ERCC4: variants seen among roughly 807,000 people sequenced by gnomAD.
ERCC4 encodes the protein DNA repair endonuclease XPF.
In ERCC4, 65 loss-of-function variants were observed where a neutral mutation model predicts 76.9. The ratio of observed to expected loss-of-function variants is 0.84; its 90% CI spans 0.69 to 1.04. The LOEUF (loss-of-function observed/expected upper bound fraction) is 1.04, where lower values mean the gene tolerates loss of function less well. Ranked by LOEUF, ERCC4 falls within the 50% of genes least tolerant of loss-of-function variation. The pLI, the probability that ERCC4 is intolerant of heterozygous loss-of-function variation, is 0.00. For missense variants in ERCC4, 1,214 were observed against 1,128.2 expected (o/e 1.08, Z -1.09); for synonymous variants, 463 against 410.1 (o/e 1.13, Z -1.56).
intron 9 of ERCC4, among the ~76,000 whole-genome samples, chr16:13,939,444 G>A (rs1439342327): frequency 6.6e-6 from 1 of 152,150 alleles, no homozygotes; most frequent in East Asian, 1.9e-4. Flanking sequence ...AGAAGAGGGT[G>A]TAATAGGAGA....
rs2032637966 is a variant in ERCC4 at position 13,952,099 on chromosome 16, G to A, written c.*3752G>A. The A allele has an allele frequency of 5.2e-6, 1 of 192,758 alleles. No individual in the cohort carries two copies. The highest frequency in any genetic ancestry group is 1.9e-4 in the South Asian group (1 of 5,182). The allele number at this position is 192,758 out of a possible 1,614,324, so 11.9% of individuals were successfully genotyped here. On this transcript the variant is annotated 3_prime_UTR_variant, in exon 11 of 11. Transcript: ENST00000311895. Reference sequence around the variant, plus strand: ...GTTTTTTTAATTTAAAGATGTATAAGCCAAAATTTGGATGGGAGTGAGACA... The same window carrying A: ...GTTTTTTTAATTTAAAGATGTATAAACCAAAATTTGGATGGGAGTGAGACA...
chr16:13,948,228 G>A lies in ERCC4; in HGVS notation c.2632G>A (p.Ala878Thr), dbSNP rs778153718. 1 of 1,614,154 alleles carries A rather than the reference G, an allele frequency of 6.2e-7. No homozygotes were observed. Among genetic ancestry groups the A allele is most frequent in the Non-Finnish European group, 8.5e-7 (1 of 1,180,024 alleles). ...CGTTAAGAACATCGCAGAATTAGCA[G>A]CCCTGTCACAAGACGAGCTCACGAG... ...HHVKNIAELA[A>T]LSQDELTSIL... The change falls in exon 11 of 11, where the codon GCC (alanine) becomes ACC (threonine). Residue 878 changes from alanine to threonine, a missense_variant. By Grantham distance (58) the Ala-to-Thr change is moderately conservative (BLOSUM62 0). Coordinates refer to ENST00000311895, the MANE Select transcript of ERCC4 (RefSeq NM_005236.3).
chr16:13,940,509 T>A (rs1162649746), intron 9 of ERCC4, among the ~76,000 whole-genome samples: 1 of 152,238 alleles, frequency 6.6e-6, no homozygotes, highest in Non-Finnish European at 1.5e-5. Context: ...ATGGATGTGC[T>A]GAGTCCTCCC....
At position 13,935,294 on chromosome 16, in the gene ERCC4, G is replaced by GA; in HGVS notation, c.1364dup (p.Glu456GlyfsTer8). On this transcript the variant is annotated frameshift_variant, in exon 8 of 11. Transcript: ENST00000311895. LOFTEE classifies it high-confidence loss of function. The stretch of plus-strand genomic sequence containing the variant: ...CTGAAGAAGTCTGGATGAAATTTAG[G>GA]AAGGAAGACAGTTCAAAGAGAATTA... 1.2e-6 allele frequency: 2 copies of GA among 1,614,030 alleles called. No individual in the cohort carries two copies. The highest frequency in any genetic ancestry group is 4.5e-5 in the East Asian group (2 of 44,882).
At chr16:13,940,010 A>G (rs1284880769) in intron 9 of ERCC4, among the ~76,000 whole-genome samples, 1 of 152,230 alleles carries the variant, frequency 6.6e-6, no homozygotes, top group Admixed American at 6.5e-5. Context: ...CCCCAAGATC[A>G]TCCTCAGGCT....
Position 13,949,694 on chromosome 16 carries a change from G to A in ERCC4, c.*1347G>A, listed in dbSNP as rs1432384407. On this transcript the variant is annotated 3_prime_UTR_variant, in exon 11 of 11. Transcript: ENST00000311895. ...AAACCTGATTAAGTTGGCTTTTTAC[G>A]TAAGTGTACAAATAGGATATTCACA... 5 of 232,414 alleles carry A rather than the reference G, an allele frequency of 2.2e-5. No homozygotes were observed. The highest frequency in any genetic ancestry group is 6.1e-5 in the East Asian group (1 of 16,386). 14.4% of individuals were successfully genotyped at this position (232,414 alleles called of 1,614,324 possible).
rs139197943 is a variant in ERCC4 at position 13,935,580 on chromosome 16, C to G, written c.1648C>G (p.Pro550Ala). ...SDAAFGILKE[P>A]LTIIHPLLGC... ...TGCTGCTTTCGGAATCCTGAAAGAA[C>G]CCCTCACTATCATCCATCCGCTTCT... Residue 550 changes from proline (P) to alanine (A), a missense_variant, in exon 8 of 11, where the codon CCC (proline) becomes GCC (alanine). Pro to Ala is a conservative substitution (Grantham distance 27, BLOSUM62 -1). Coordinates refer to ENST00000311895, the MANE Select transcript of ERCC4 (RefSeq NM_005236.3). The G allele has an allele frequency of 1.2e-6, 2 of 1,614,168 alleles. No individual in the cohort carries two copies. The highest frequency in any genetic ancestry group is 2.2e-5 in the South Asian group (2 of 91,084).
rs755156952 is a variant in ERCC4, at chr16:13,934,176, TTTTA to T, written c.1103-12_1103-9del. The T allele has an allele frequency of 2.6e-6, 4 of 1,537,884 alleles. No homozygotes were observed. The highest frequency in any genetic ancestry group is 3.6e-6 in the Non-Finnish European group (4 of 1,113,090). On this transcript the variant is annotated splice_polypyrimidine_tract_variant and intron_variant, in intron 6 of 10. Transcript: ENST00000311895. ...AATATTATCACATAGAATGAGATAT[TTTTA>T]TTTCTCTACAGAAACAAAAAAGGAA...
chr16:13,936,775 A>G (rs570723080), intron 8 of ERCC4, among the ~76,000 whole-genome samples: 382 of 152,374 alleles, frequency 2.5e-3, no homozygotes, highest in Non-Finnish European at 4.4e-3. Flanking sequence ...ATCTAGGAAG[A>G]TAACAGCTAA....
chr16:13,948,434 G>T lies in ERCC4; in HGVS notation c.*87G>T. On this transcript the variant is annotated 3_prime_UTR_variant, in exon 11 of 11. Coordinates refer to ENST00000311895, the MANE Select transcript of ERCC4 (RefSeq NM_005236.3). Reference sequence around the variant, plus strand: ...ATAGGTCATTATTAATTATTGGTTTGCTATTTCATTCTTTTCCAATGCTCT... The same window carrying T: ...ATAGGTCATTATTAATTATTGGTTTTCTATTTCATTCTTTTCCAATGCTCT... 1 of 1,457,648 alleles carries T rather than the reference G, an allele frequency of 6.9e-7. No homozygotes were observed. The highest frequency in any genetic ancestry group is 1.4e-5 in the African/African-American group (1 of 71,906). The allele number at this position is 1,457,648 out of a possible 1,614,324, so 90.3% of individuals were successfully genotyped here.
intron 9 of ERCC4, chr16:13,944,150 T>C (rs1321879836): frequency 6.4e-6 from 1 of 156,832 alleles, no homozygotes; most frequent in Non-Finnish European, 1.4e-5. Context: ...TTTTTTGTTT[T>C]AATCTCTGAT....
intron 2 of ERCC4, among the ~76,000 whole-genome samples, chr16:13,926,045 C>G (rs928700204): frequency 3.9e-5 from 6 of 152,082 alleles, no homozygotes; most frequent in African/African-American, 1.4e-4. Flanking sequence ...GAATTCATCT[C>G]ATAGGTAATG....
intron 1 of ERCC4, among the ~76,000 whole-genome samples, chr16:13,921,371 G>A (rs190292194): frequency 6.6e-6 from 1 of 152,274 alleles, no homozygotes; most frequent in African/African-American, 2.4e-5. Flanking sequence ...AGGGGACACA[G>A]CTTGGTCGGA....
At chr16:13,936,951 G>T (rs762335628) in intron 8 of ERCC4, among the ~76,000 whole-genome samples, 2 of 140,968 alleles carry the variant, frequency 1.4e-5, no homozygotes, top group Non-Finnish European at 3.0e-5. Flanking sequence ...TTGCCCAGAT[G>T]CCCAGACTGG....
intron 2 of ERCC4, chr16:13,922,515 T>C (rs1375435664): frequency 2.7e-6 from 2 of 741,070 alleles, no homozygotes; most frequent in South Asian, 2.7e-5. Flanking sequence ...AGATGCTCGC[T>C]TCAGAAATGT....
intron 10 of ERCC4, among the ~76,000 whole-genome samples, chr16:13,945,821 A>G (rs2032502585): frequency 1.3e-5 from 2 of 152,230 alleles, no homozygotes; most frequent in Non-Finnish European, 2.9e-5. Context: ...TGGGTACCAC[A>G]CAGAGAGCTG....
intron 9 of ERCC4, chr16:13,943,985 A>T (rs1596633551): frequency 6.6e-6 from 1 of 152,366 alleles, no homozygotes; most frequent in Non-Finnish European, 1.5e-5. Flanking sequence ...TCTACCGTAT[A>T]AGATATGAGC....
Position 13,935,722 on chromosome 16 carries a change from G to A in ERCC4, c.1790G>A (p.Ser597Asn). The A allele has an allele frequency of 1.2e-6, 2 of 1,613,710 alleles. No homozygotes were observed. The highest frequency in any genetic ancestry group is 1.7e-6 in the Non-Finnish European group (2 of 1,179,636). Reference sequence around the variant, plus strand: ...CGGCAGCTTGAAATTTACAGGGCGAGTAGGCCTGGGAAACCTCTGAGGCAA... The same window carrying A: ...CGGCAGCTTGAAATTTACAGGGCGAATAGGCCTGGGAAACCTCTGAGGCAA... ...FVRQLEIYRA[S>N]RPGKPLRVYF... Residue 597 changes from serine to asparagine, a missense_variant, in exon 8 of 11, where the codon AGT (serine) becomes AAT (asparagine). Transcript: ENST00000311895.
rs1326506668 is a variant in ERCC4 at position 13,937,779 on chromosome 16, A to G, written c.1825A>G (p.Ile609Val). Residue 609 changes from isoleucine (I) to valine (V), a missense_variant, in exon 9 of 11, where the codon ATA becomes GTA. Coordinates refer to ENST00000311895, the MANE Select transcript of ERCC4 (RefSeq NM_005236.3). ...CTTAACATGCAGGGTTTACTTTCTTATATACGGAGGTTCAACTGAGGAACA... is the reference window on the plus strand; with the variant it reads ...CTTAACATGCAGGGTTTACTTTCTTGTATACGGAGGTTCAACTGAGGAACA... ...PGKPLRVYFL[I>V]YGGSTEEQRY... 1 of 1,611,246 alleles carries G rather than the reference A, an allele frequency of 6.2e-7. No individual in the cohort carries two copies. Among genetic ancestry groups the G allele is most frequent in the Non-Finnish European group, 8.5e-7 (1 of 1,177,410 alleles).
Sources: gnomAD v4.1 joint callset for allele counts (sites outside exome capture counted in the v4.1 genomes callset) on GRCh38, gnomAD v4.1.1 for gene constraint, MANE v1.5 for transcripts, NCBI Gene and HGNC (gene_info 2026-07-23, HGNC 2026-07-21) for gene names.